ENTREP2: variants seen among roughly 807,000 people sequenced by gnomAD.
ENTREP2 encodes protein ENTREP2.
the ENTREP2 span, among the ~76,000 whole-genome samples, chr15:29,238,751 G>A: frequency 1.3e-5 from 2 of 152,188 alleles, no homozygotes; most frequent in East Asian, 3.9e-4. Context: ...AAGGTGAAGG[G>A]AAGCAGGCAC....
At chr15:29,655,613 T>C in the ENTREP2 span, among the ~76,000 whole-genome samples, 10 of 152,122 alleles carry the variant, frequency 6.6e-5, no homozygotes, top group African/African-American at 2.2e-4. Context: ...TAACTATTAT[T>C]AATATGTGAA....
chr15:29,654,855 G>A, the ENTREP2 span, among the ~76,000 whole-genome samples: 1 of 152,028 alleles, frequency 6.6e-6, no homozygotes, highest in Non-Finnish European at 1.5e-5. Context: ...ATCAATGAGA[G>A]TTCCTTACAT....
the ENTREP2 span, among the ~76,000 whole-genome samples, chr15:29,211,125 A>T: frequency 1.3e-5 from 2 of 152,186 alleles, no homozygotes; most frequent in Admixed American, 1.3e-4. Context: ...GTAAAAAATC[A>T]AATTATTTCT....
chr15:29,152,315 C>T, the ENTREP2 span, among the ~76,000 whole-genome samples: 2 of 152,172 alleles, frequency 1.3e-5, no homozygotes, highest in South Asian at 2.1e-4. Flanking sequence ...TACAATATCA[C>T]AGCCAGATAC....
the ENTREP2 span, among the ~76,000 whole-genome samples, chr15:29,358,807 G>A: frequency 1.5e-4 from 22 of 151,384 alleles, 1 homozygote; most frequent in African/African-American, 5.3e-4. Flanking sequence ...AAGATAAAAA[G>A]AGTGACTGAA....
At chr15:29,207,400 C>T in the ENTREP2 span, among the ~76,000 whole-genome samples, 1 of 130,972 alleles carries the variant, frequency 7.6e-6, no homozygotes, top group Non-Finnish European at 1.5e-5. Flanking sequence ...TTACGAAGAG[C>T]AAGAGAACAG....
At chr15:29,667,233 G>A in the ENTREP2 span, among the ~76,000 whole-genome samples, 1 of 151,330 alleles carries the variant, frequency 6.6e-6, no homozygotes, top group South Asian at 2.1e-4. Context: ...CGTCTCCCAG[G>A]CTGGAGTGCA....
the ENTREP2 span, among the ~76,000 whole-genome samples, chr15:29,552,656 C>T: frequency 6.6e-6 from 1 of 152,000 alleles, no homozygotes; most frequent in African/African-American, 2.4e-5. Context: ...GGACTTAAAA[C>T]ATCTATGATA....
the ENTREP2 span, among the ~76,000 whole-genome samples, chr15:29,444,207 A>AC: frequency 2.0e-4 from 30 of 147,352 alleles, no homozygotes; most frequent in East Asian, 5.9e-4. Flanking sequence ...AGAAAGAAAG[A>AC]AAGAAAGAAA....
chr15:29,123,401 T>C, the ENTREP2 span: 2 of 1,548,540 alleles, frequency 1.3e-6, no homozygotes, highest in Non-Finnish European at 1.7e-6. Flanking sequence ...TCCTCGTTGG[T>C]GACAGCCAAG....
the ENTREP2 span, among the ~76,000 whole-genome samples, chr15:29,249,044 G>A: frequency 3.9e-5 from 6 of 152,168 alleles, no homozygotes; most frequent in South Asian, 2.1e-4. Context: ...GGAACAGGCC[G>A]GGCGTGGTGG....
chr15:29,265,948 T>G, the ENTREP2 span: 1 of 152,198 alleles, frequency 6.6e-6, no homozygotes, highest in African/African-American at 2.4e-5. Context: ...ATTAGGGGAA[T>G]TTTTTAAAGC....
the ENTREP2 span, among the ~76,000 whole-genome samples, chr15:29,287,018 A>T: frequency 6.6e-6 from 1 of 152,282 alleles, no homozygotes; most frequent in South Asian, 2.1e-4. Context: ...GTTAATTTGC[A>T]ACTGGGCTGT....
At chr15:29,161,405 A>G in the ENTREP2 span, among the ~76,000 whole-genome samples, 1 of 152,248 alleles carries the variant, frequency 6.6e-6, no homozygotes, top group African/African-American at 2.4e-5. Context: ...ACACTAGCCT[A>G]GAGCTCTGGC....
chr15:29,518,397 T>A, the ENTREP2 span, among the ~76,000 whole-genome samples: 1 of 152,162 alleles, frequency 6.6e-6, no homozygotes, highest in Non-Finnish European at 1.5e-5. Flanking sequence ...CAGGTATTCA[T>A]AAATTTTCAC....
At chr15:29,159,259 C>T in the ENTREP2 span, among the ~76,000 whole-genome samples, 6 of 151,632 alleles carry the variant, frequency 4.0e-5, no homozygotes, top group South Asian at 2.1e-4. Context: ...GCTCTTAAGG[C>T]GGCGTGTCTG....
chr15:29,649,344 T>C, the ENTREP2 span, among the ~76,000 whole-genome samples: 23 of 152,296 alleles, frequency 1.5e-4, no homozygotes, highest in African/African-American at 4.8e-4. Context: ...GAGTTATTTA[T>C]GATGAAGGAA....
the ENTREP2 span, among the ~76,000 whole-genome samples, chr15:29,410,034 T>G: frequency 6.6e-6 from 1 of 152,330 alleles, no homozygotes; most frequent in South Asian, 2.1e-4. Flanking sequence ...AGCGCAGGTC[T>G]GGATTCACAG....
At chr15:29,529,207 G>GCAT in the ENTREP2 span, among the ~76,000 whole-genome samples, 1 of 148,042 alleles carries the variant, frequency 6.8e-6, no homozygotes, top group Non-Finnish European at 1.5e-5. Context: ...ATAAAGGTGG[G>GCAT]GTTGTGAGGG....
Sources: allele counts gnomAD v4.1 joint callset (sites outside exome capture counted in the v4.1 genomes callset), GRCh38; gene constraint gnomAD v4.1.1; transcripts MANE v1.5; gene names NCBI Gene and HGNC (gene_info 2026-07-23, HGNC 2026-07-21).